The following KIAA0825 variants were observed in gnomAD, a reference collection of about 807,000 sequenced individuals.
The protein encoded by KIAA0825 is uncharacterized protein KIAA0825.
KIAA0825 carries 119 observed loss-of-function variants against 147.6 expected under a neutral mutation model. The ratio of observed to expected loss-of-function variants is 0.81; its 90% CI spans 0.69 to 0.94. KIAA0825 has a LOEUF of 0.94. Ranked by LOEUF, KIAA0825 falls within the 40% of genes least tolerant of loss-of-function variation. The pLI is 0.00. For synonymous variants in KIAA0825, 470 were observed against 518.1 expected (o/e 0.91, Z 1.26); for missense variants, 1,381 against 1,472.7 (o/e 0.94, Z 1.02).
At position 94,384,360 on chromosome 5, in the gene KIAA0825, T is replaced by C; in HGVS notation, c.3710+8A>G. On this transcript the variant is annotated splice_region_variant and intron_variant, in intron 20 of 20. Coordinates refer to ENST00000682413, the MANE Select transcript of KIAA0825 (RefSeq NM_001145678.3). The stretch of plus-strand genomic sequence containing the variant: ...CAACCAGACCCCCAAGGTCCCCAAT[T>C]TTATTACCTGTTTTTGAGCAGCACA... 1.3e-6 allele frequency: 2 copies of C among 1,551,128 alleles called. No individual in the cohort carries two copies. Among genetic ancestry groups the C allele is most frequent in the Non-Finnish European group, 1.7e-6 (2 of 1,146,470 alleles).
intron 20 of KIAA0825, among the ~76,000 whole-genome samples, chr5:94,283,492 T>C (rs1777546823): frequency 6.6e-6 from 1 of 152,106 alleles, no homozygotes; most frequent in Non-Finnish European, 1.5e-5. Flanking sequence ...TGGTTAAGAT[T>C]CATGTTCATG....
At chr5:94,512,547 AGC>A (rs1409516389) in intron 5 of KIAA0825, among the ~76,000 whole-genome samples, 1 of 151,070 alleles carries the variant, frequency 6.6e-6, no homozygotes, top group African/African-American at 2.4e-5. Flanking sequence ...GGATTGCTTG[AGC>A]CCAAGCATTC....
At chr5:94,297,675 A>G (rs1168753894) in intron 20 of KIAA0825, among the ~76,000 whole-genome samples, 3 of 151,866 alleles carry the variant, frequency 2.0e-5, no homozygotes, top group Admixed American at 1.3e-4. Flanking sequence ...GGCTCACTTC[A>G]ACCTCCACCT....
intron 20 of KIAA0825, among the ~76,000 whole-genome samples, chr5:94,211,218 A>G (rs1244015256): frequency 6.6e-6 from 1 of 152,182 alleles, no homozygotes; most frequent in African/African-American, 2.4e-5. Context: ...ATGTTCATTT[A>G]ATTTAGCTTG....
At chr5:94,171,415 C>G (rs1447953881) in intron 20 of KIAA0825, among the ~76,000 whole-genome samples, 1 of 152,136 alleles carries the variant, frequency 6.6e-6, no homozygotes, top group Non-Finnish European at 1.5e-5. Context: ...TGTGTGGAAA[C>G]AGACTAATAC....
At chr5:94,226,505 C>T (rs1377808690) in intron 20 of KIAA0825, among the ~76,000 whole-genome samples, 1 of 152,052 alleles carries the variant, frequency 6.6e-6, no homozygotes, top group African/African-American at 2.4e-5. Flanking sequence ...CCCAGCAATC[C>T]CATAAACTGA....
intron 18 of KIAA0825, among the ~76,000 whole-genome samples, chr5:94,390,513 C>T (rs556292012): frequency 6.6e-6 from 1 of 152,314 alleles, no homozygotes; most frequent in African/African-American, 2.4e-5. Flanking sequence ...GTAACAATTA[C>T]AAACTGAGCT....
intron 14 of KIAA0825, among the ~76,000 whole-genome samples, chr5:94,435,293 C>G (rs1190745681): frequency 1.8e-5 from 2 of 114,036 alleles, no homozygotes; most frequent in Non-Finnish European, 3.4e-5. Flanking sequence ...TCCCACCCCC[C>G]ACCCTCCAAC....
At chr5:94,592,312 A>C (rs1397505099) in intron 1 of KIAA0825, among the ~76,000 whole-genome samples, 1 of 152,210 alleles carries the variant, frequency 6.6e-6, no homozygotes, top group Non-Finnish European at 1.5e-5. Context: ...GAAATTGGCC[A>C]AAACAAAGGA....
intron 20 of KIAA0825, among the ~76,000 whole-genome samples, chr5:94,189,054 C>T (rs1460130014): frequency 2.6e-5 from 4 of 152,054 alleles, no homozygotes; most frequent in South Asian, 2.1e-4. Flanking sequence ...TACCTGTGCT[C>T]GTTGGCCATT....
chr5:94,349,357 A>G (rs1257442449), intron 20 of KIAA0825, among the ~76,000 whole-genome samples: 1 of 152,226 alleles, frequency 6.6e-6, no homozygotes, highest in Non-Finnish European at 1.5e-5. Flanking sequence ...GAGGGACTTC[A>G]GTACTGCACT....
chr5:94,515,779 G>T (rs1767134093), intron 5 of KIAA0825, among the ~76,000 whole-genome samples: 1 of 125,290 alleles, frequency 8.0e-6, no homozygotes, highest in Non-Finnish European at 1.5e-5. Context: ...GCAACAGAGG[G>T]AGACTCTGTC....
At position 94,473,123 on chromosome 5, in the gene KIAA0825, G is replaced by A. The variant is rs542860779; in HGVS notation, c.1455+169C>T. ...GTTAGCACCAGGTATAAGTCCTTTCGGGCAGCAGTGGCCCATGGATACCAC... is the reference window on the plus strand; with the variant it reads ...GTTAGCACCAGGTATAAGTCCTTTCAGGCAGCAGTGGCCCATGGATACCAC... On this transcript the variant is annotated intron_variant, in intron 8 of 20. Coordinates refer to ENST00000682413, the MANE Select transcript of KIAA0825 (RefSeq NM_001145678.3). Among the ~76,000 whole-genome samples the A allele has an allele frequency of 3.3e-5, 5 of 152,202 alleles. No homozygotes were observed. The South Asian group carries it at 8.3e-4, about 25-fold the overall frequency.
rs1378358233 is a variant in KIAA0825 at position 94,520,256 on chromosome 5, T to C, written c.962A>G (p.His321Arg). 2.5e-6 allele frequency: 4 copies of C among 1,603,278 alleles called. No individual in the cohort carries two copies. Among genetic ancestry groups the C allele is most frequent in the Admixed American group, 1.7e-5 (1 of 57,794 alleles). Reference sequence around the variant, plus strand: ...TTTTAAATGTCACTAACCCAAAGCATGCACTGCTCCTCTATGCTTGCTGGA... The same window carrying C: ...TTTTAAATGTCACTAACCCAAAGCACGCACTGCTCCTCTATGCTTGCTGGA... ...KSSSKHRGAVHALVTTECPQK... is the reference protein window; with the variant it reads ...KSSSKHRGAVRALVTTECPQK... Residue 321 changes from histidine to arginine, a missense_variant, in exon 5 of 21, where the codon CAT becomes CGT. By Grantham distance (29) the His-to-Arg change is conservative. Transcript: ENST00000682413.
At chr5:94,426,705 G>A (rs1426643682) in intron 14 of KIAA0825, among the ~76,000 whole-genome samples, 1 of 152,186 alleles carries the variant, frequency 6.6e-6, no homozygotes, top group Non-Finnish European at 1.5e-5. Context: ...GACTGGAAAT[G>A]TTCCCAACAC....
chr5:94,406,834 T>A (rs1752131622), intron 15 of KIAA0825, among the ~76,000 whole-genome samples: 1 of 152,214 alleles, frequency 6.6e-6, no homozygotes, highest in Non-Finnish European at 1.5e-5. Flanking sequence ...GAATGTCTTT[T>A]GACCTATACA....
At chr5:94,293,733 C>T (rs182406291) in intron 20 of KIAA0825, among the ~76,000 whole-genome samples, 25 of 152,118 alleles carry the variant, frequency 1.6e-4, no homozygotes, top group South Asian at 6.2e-4. Flanking sequence ...CCAGTATTAT[C>T]GTGAGGGAGT....
At chr5:94,222,466 A>G (rs991544258) in intron 20 of KIAA0825, among the ~76,000 whole-genome samples, 1 of 152,294 alleles carries the variant, frequency 6.6e-6, no homozygotes, top group East Asian at 1.9e-4. Flanking sequence ...TATTTTGAAC[A>G]ATCAAGAAAA....
At chr5:94,513,243 C>A (rs1766758890) in intron 5 of KIAA0825, among the ~76,000 whole-genome samples, 1 of 151,852 alleles carries the variant, frequency 6.6e-6, no homozygotes, top group African/African-American at 2.4e-5. Context: ...CTTTTTAAAA[C>A]CTCAGCATTT....
Sources: gnomAD v4.1 joint callset for allele counts (sites outside exome capture counted in the v4.1 genomes callset) on GRCh38, gnomAD v4.1.1 for gene constraint, MANE v1.5 for transcripts, NCBI Gene and HGNC (gene_info 2026-07-23, HGNC 2026-07-21) for gene names.